The following GALNT11 variants were observed in gnomAD, a reference collection of about 807,000 sequenced individuals.
GALNT11 encodes the protein UDP-GalNAc:polypeptide N-acetylgalactosaminyltransferase 11.
Under a neutral mutation model 72.7 loss-of-function variants are expected in GALNT11, and 47 were observed. The ratio of observed to expected loss-of-function variants is 0.65; its 90% CI spans 0.51 to 0.82. GALNT11 has a LOEUF of 0.82. Among genes scored for constraint, GALNT11 ranks in the 40% least tolerant of loss-of-function variants. The pLI is 0.00. For missense variants in GALNT11, 677 were observed against 778.4 expected, an observed-to-expected ratio of 0.87 and a Z score of 1.55; for synonymous variants, 270 against 286.6, an observed-to-expected ratio of 0.94 and a Z score of 0.58.
intron 2 of GALNT11, among the ~76,000 whole-genome samples, chr7:152,099,990 G>A (rs1167054805): frequency 1.0e-4 from 14 of 137,006 alleles, no homozygotes; most frequent in East Asian, 2.1e-4. Context: ...ACAAGGTCTC[G>A]CTGTGTTGCC....
intron 1 of GALNT11, among the ~76,000 whole-genome samples, chr7:152,042,870 T>TC (rs1317062232): frequency 6.6e-6 from 1 of 152,198 alleles, no homozygotes; most frequent in African/African-American, 2.4e-5. Context: ...GCTTTACCAC[T>TC]CCAACTATGT....
chr7:152,068,254 A>G (rs1300522407), intron 1 of GALNT11, among the ~76,000 whole-genome samples: 1 of 152,190 alleles, frequency 6.6e-6, no homozygotes, highest in Non-Finnish European at 1.5e-5. Flanking sequence ...CCAGAATGTC[A>G]TACAATGGAA....
chr7:152,051,841 A>G (rs571848492), intron 1 of GALNT11, among the ~76,000 whole-genome samples: 19 of 152,210 alleles, frequency 1.2e-4, no homozygotes, highest in Non-Finnish European at 2.4e-4. Context: ...CACTCTGACA[A>G]TTTCTTTGCT....
chr7:152,080,691 G>A (rs890151812), intron 1 of GALNT11, among the ~76,000 whole-genome samples: 14 of 152,164 alleles, frequency 9.2e-5, no homozygotes, highest in Admixed American at 9.2e-4. Flanking sequence ...GCCAGGTACA[G>A]TGGCTCACGC....
chr7:152,028,560 G>C (rs2082151980), intron 1 of GALNT11, among the ~76,000 whole-genome samples: 1 of 152,124 alleles, frequency 6.6e-6, no homozygotes, highest in African/African-American at 2.4e-5. Flanking sequence ...ACTGATTGGT[G>C]TGTTTACAAA....
intron 2 of GALNT11, among the ~76,000 whole-genome samples, 191 bp from the exon 3 acceptor site, chr7:152,100,607 A>T (rs1026748084): frequency 1.3e-5 from 2 of 151,962 alleles, no homozygotes; most frequent in Non-Finnish European, 2.9e-5. Context: ...GGTGGTGTTT[A>T]TGGTTAAGAC....
chr7:152,106,912 G>A (rs1226584303), intron 5 of GALNT11, among the ~76,000 whole-genome samples: 2 of 152,226 alleles, frequency 1.3e-5, no homozygotes, highest in South Asian at 2.1e-4. Flanking sequence ...AATTGTGATT[G>A]GTCTCACCTC....
At position 152,121,777 on chromosome 7, in the gene GALNT11, T is replaced by G; in HGVS notation, c.*100T>G. Reference sequence around the variant, plus strand: ...TGGGTTGGGTGGAGCAGAACCATCTTGGAGAAGATGACAGTTCCCTGTCCT... The same window carrying G: ...TGGGTTGGGTGGAGCAGAACCATCTGGGAGAAGATGACAGTTCCCTGTCCT... On this transcript the variant is annotated 3_prime_UTR_variant, in exon 12 of 12. Transcript: ENST00000430044. 1 of 1,444,172 alleles carries G rather than the reference T, an allele frequency of 6.9e-7. No individual in the cohort carries two copies. 89.5% of individuals were successfully genotyped at this position (1,444,172 alleles called of 1,614,324 possible).
At chr7:152,105,834 T>C (rs1045757732) in intron 5 of GALNT11, among the ~76,000 whole-genome samples, 3 of 152,244 alleles carry the variant, frequency 2.0e-5, no homozygotes, top group South Asian at 4.1e-4. Flanking sequence ...GGACGTAAGA[T>C]TGACTTACAA....
chr7:152,040,676 CTG>C (rs936072163), intron 1 of GALNT11, among the ~76,000 whole-genome samples: 3 of 152,104 alleles, frequency 2.0e-5, no homozygotes, highest in African/African-American at 7.2e-5. Flanking sequence ...GAAATCATAA[CTG>C]AGCATTTTCA....
At chr7:152,102,033 A>G (rs1327416406) in intron 3 of GALNT11, among the ~76,000 whole-genome samples, 3 of 152,156 alleles carry the variant, frequency 2.0e-5, no homozygotes, top group East Asian at 1.9e-4. Context: ...TTATCTTGGT[A>G]TATCATAATT....
intron 1 of GALNT11, among the ~76,000 whole-genome samples, chr7:152,042,180 A>G (rs34595917): frequency 0.16 from 24,330 of 152,234 alleles, 4,726 homozygotes; most frequent in African/African-American, 0.46. Flanking sequence ...AATTGTAAAT[A>G]CAAACCATTC....
At chr7:152,065,073 G>A (rs887409975) in intron 1 of GALNT11, among the ~76,000 whole-genome samples, 11 of 152,158 alleles carry the variant, frequency 7.2e-5, no homozygotes, top group East Asian at 3.8e-4. Context: ...CATTCTCCCC[G>A]TCACTTTCAG....
At chr7:152,087,972 T>C (rs2129030540) in intron 1 of GALNT11, among the ~76,000 whole-genome samples, 1 of 152,372 alleles carries the variant, frequency 6.6e-6, no homozygotes, top group African/African-American at 2.4e-5. Context: ...AATTCAGTCT[T>C]ATCTTTTCAT....
chr7:152,099,019 G>A (rs2086575575), intron 2 of GALNT11, among the ~76,000 whole-genome samples: 1 of 152,050 alleles, frequency 6.6e-6, no homozygotes, highest in South Asian at 2.1e-4. Flanking sequence ...ATCTTGGCTT[G>A]CTGCATTCGC....
intron 1 of GALNT11, among the ~76,000 whole-genome samples, chr7:152,032,400 C>T (rs181613991): frequency 2.7e-4 from 41 of 152,228 alleles, no homozygotes; most frequent in Middle Eastern, 6.8e-3. Flanking sequence ...TCTGCTTCCT[C>T]TGGTATTTGA....
At chr7:152,037,331 A>G (rs890920561) in intron 1 of GALNT11, among the ~76,000 whole-genome samples, 1 of 152,132 alleles carries the variant, frequency 6.6e-6, no homozygotes. Context: ...CCTTTTCCCA[A>G]TGTATGTTCT....
chr7:152,122,280 A>C lies in GALNT11; in HGVS notation c.*603A>C, dbSNP rs1219076454. On this transcript the variant is annotated 3_prime_UTR_variant, in exon 12 of 12. Coordinates refer to ENST00000430044, the MANE Select transcript of GALNT11 (RefSeq NM_022087.4). ...CATTTATAAGACAGTATGGCAGTTA[A>C]TTATAAAATTATTTTGATGAATTAT... The C allele has an allele frequency of 6.6e-6, 1 of 152,234 alleles. No individual in the cohort carries two copies. The highest frequency in any genetic ancestry group is 1.5e-5 in the Non-Finnish European group (1 of 68,042). The allele number at this position is 152,234 out of a possible 1,614,324, so 9.4% of individuals were successfully genotyped here.
At chr7:152,119,093 C>G (rs976359273) in intron 10 of GALNT11, 2 of 202,624 alleles carry the variant, frequency 9.9e-6, no homozygotes, top group Non-Finnish European at 2.0e-5. Flanking sequence ...GTATGTTTTT[C>G]CTATCTCTGC....
Sources: gnomAD v4.1 joint callset for allele counts (sites outside exome capture counted in the v4.1 genomes callset) on GRCh38, gnomAD v4.1.1 for gene constraint, MANE v1.5 for transcripts, NCBI Gene and HGNC (gene_info 2026-07-23, HGNC 2026-07-21) for gene names.